Variants in TTC28 observed in about 807,000 individuals in gnomAD.
TTC28 encodes tetratricopeptide repeat domain 28, also known as tetratricopeptide repeat protein 28.
TTC28 carries 61 observed loss-of-function variants against 198.0 expected under a neutral mutation model. The observed-to-expected ratio is 0.31, with a 90% CI of 0.25 to 0.38. The LOEUF is 0.38. Ranked by LOEUF, TTC28 falls within the 10% of genes least tolerant of loss-of-function variation. The probability of loss-of-function intolerance (pLI) is 1.00; values close to 1 mark genes in which losing one functional copy is unlikely to be tolerated. For missense variants in TTC28, 2,678 were observed against 3,164.0 expected (o/e 0.85, Z 3.69); for synonymous variants, 1,171 against 1,297.8 (o/e 0.90, Z 2.10).
intron 2 of TTC28, among the ~76,000 whole-genome samples, chr22:28,395,360 A>T: frequency 6.6e-6 from 1 of 152,060 alleles, no homozygotes; most frequent in Non-Finnish European, 1.5e-5. Context: ...CAAGTGTGGT[A>T]CTAGAAAACA....
chr22:28,301,460 C>T lies in TTC28; in HGVS notation c.530-3608G>A, dbSNP rs765096462. The stretch of plus-strand genomic sequence containing the variant: ...AAAGGCTTTAAAAATTTAAGATGAA[C>T]AAAATCATATTTCCTAACACTTGAA... On this transcript the variant is annotated intron_variant, in intron 3 of 22. Coordinates refer to ENST00000397906, the MANE Select transcript of TTC28 (RefSeq NM_001145418.2). Among the ~76,000 whole-genome samples the T allele has an allele frequency of 5.9e-5, 9 of 152,106 alleles. No individual in the cohort carries two copies. In the South Asian group the frequency reaches 6.2e-4, roughly 11 times the overall value.
intron 2 of TTC28, among the ~76,000 whole-genome samples, chr22:28,626,100 C>G (rs1309940122): frequency 1.3e-5 from 2 of 151,960 alleles, no homozygotes; most frequent in East Asian, 3.9e-4. Flanking sequence ...TCTTTGTAAC[C>G]TTGGCGAAGA....
At chr22:28,149,108 C>A (rs1943545783) in intron 6 of TTC28, among the ~76,000 whole-genome samples, 1 of 152,200 alleles carries the variant, frequency 6.6e-6, no homozygotes, top group African/African-American at 2.4e-5. Flanking sequence ...CTATTACACA[C>A]CTAGGCTATA....
At chr22:28,641,849 C>T (rs1469054007) in intron 1 of TTC28, among the ~76,000 whole-genome samples, 3 of 151,944 alleles carry the variant, frequency 2.0e-5, no homozygotes, top group Non-Finnish European at 2.9e-5. Context: ...ATCAGCTATA[C>T]AAAATAATAA....
At chr22:28,184,307 ATTTG>A (rs1923985141) in intron 5 of TTC28, among the ~76,000 whole-genome samples, 1 of 152,166 alleles carries the variant, frequency 6.6e-6, no homozygotes, top group Non-Finnish European at 1.5e-5. Flanking sequence ...TGTTTTGTAT[ATTTG>A]TTTAACATTT....
At chr22:28,084,488 A>G (rs1941486135) in intron 12 of TTC28, among the ~76,000 whole-genome samples, 1 of 152,214 alleles carries the variant, frequency 6.6e-6, no homozygotes, top group Admixed American at 6.5e-5. Context: ...CAGAAAGGAC[A>G]TCCACACCAA....
intron 13 of TTC28, among the ~76,000 whole-genome samples, chr22:28,024,887 C>T (rs1938762509): frequency 6.6e-6 from 1 of 152,228 alleles, no homozygotes; most frequent in Admixed American, 6.5e-5. Context: ...GCATGCTCTA[C>T]ATGCCCACAT....
chr22:28,174,322 A>C (rs1601428067), intron 5 of TTC28, among the ~76,000 whole-genome samples: 1 of 152,234 alleles, frequency 6.6e-6, no homozygotes, highest in East Asian at 1.9e-4. Context: ...CAAAAATTTT[A>C]GATTTTAGTT....
At chr22:28,518,560 G>A (rs1240294190) in intron 2 of TTC28, among the ~76,000 whole-genome samples, 3 of 152,152 alleles carry the variant, frequency 2.0e-5, no homozygotes, top group Non-Finnish European at 4.4e-5. Context: ...AACGAACTAT[G>A]ATTCACCACT....
At chr22:28,606,560 TG>T (rs895717684) in intron 2 of TTC28, among the ~76,000 whole-genome samples, 1 of 152,064 alleles carries the variant, frequency 6.6e-6, no homozygotes, top group African/African-American at 2.4e-5. Context: ...GAATGGGGAA[TG>T]GGGTGAGCAA....
At chr22:28,085,088 C>A (rs1374327766) in intron 12 of TTC28, among the ~76,000 whole-genome samples, 1 of 152,076 alleles carries the variant, frequency 6.6e-6, no homozygotes, top group Non-Finnish European at 1.5e-5. Flanking sequence ...AAACACTCTG[C>A]AGGATATTAT....
In TTC28 at chr22:28,503,673, G is replaced by A. The variant is rs2048566067; in HGVS notation, c.381+125879C>T. On this transcript the variant is annotated intron_variant, in intron 2 of 22. Transcript: ENST00000397906. ...GCAAGGACATTTCACATTTAATATTGTCTTTAGCCAATCTTAATAGTATTA... is the reference window on the plus strand; with the variant it reads ...GCAAGGACATTTCACATTTAATATTATCTTTAGCCAATCTTAATAGTATTA... Among the ~76,000 whole-genome samples, 5 of 152,032 alleles carry A rather than the reference G, an allele frequency of 3.3e-5. No homozygotes were observed. The South Asian group carries it at 6.2e-4, about 19-fold the overall frequency.
intron 2 of TTC28, among the ~76,000 whole-genome samples, chr22:28,339,247 A>T (rs1180774299): frequency 6.6e-6 from 1 of 152,114 alleles, no homozygotes; most frequent in Non-Finnish European, 1.5e-5. Flanking sequence ...ATCGTTCCTC[A>T]GGAAGTTTTG....
At chr22:27,990,757 T>C in intron 20 of TTC28, 32 bp downstream of exon 20, 1 of 1,549,022 alleles carries the variant, frequency 6.5e-7, no homozygotes. Context: ...GGGGCTCACC[T>C]GACAACAGTT....
At chr22:28,334,662 G>A (rs945929054) in intron 2 of TTC28, among the ~76,000 whole-genome samples, 1 of 152,208 alleles carries the variant, frequency 6.6e-6, no homozygotes, top group African/African-American at 2.4e-5. Context: ...TTGGAGAAGT[G>A]TCTGTTCATA....
intron 2 of TTC28, among the ~76,000 whole-genome samples, chr22:28,470,614 T>C (rs904090282): frequency 6.6e-6 from 1 of 152,206 alleles, no homozygotes; most frequent in Non-Finnish European, 1.5e-5. Flanking sequence ...TATCCAATAA[T>C]AGAATTCTCT....
chr22:28,091,152 A>C (rs1006070405), intron 12 of TTC28, among the ~76,000 whole-genome samples: 1 of 152,230 alleles, frequency 6.6e-6, no homozygotes, highest in African/African-American at 2.4e-5. Flanking sequence ...ACTATAACTC[A>C]AAAGACATTT....
intron 2 of TTC28, among the ~76,000 whole-genome samples, chr22:28,425,953 G>A (rs189183970): frequency 5.7e-4 from 87 of 152,264 alleles, no homozygotes; most frequent in Non-Finnish European, 9.1e-4. Context: ...GCTCACGCCC[G>A]TAACCCCAGC....
rs866214998 is a variant in TTC28 at position 28,018,277 on chromosome 22, G to A, written c.4074-3885C>T. On this transcript the variant is annotated intron_variant, in intron 13 of 22. Transcript: ENST00000397906. ...TGTGTGTGTGTGTGTGTGTGTGTGT[G>A]TATGTGTGTGCGCGCGTGTGTGCGC... Among the ~76,000 whole-genome samples the A allele has an allele frequency of 2.4e-5, 3 of 125,980 alleles. No homozygotes were observed. In the Admixed American group the frequency reaches 2.7e-4, roughly 11 times the overall value. 82.6% of individuals were successfully genotyped at this position (125,980 alleles called of 152,430 possible).
Sources: allele counts gnomAD v4.1 joint callset (sites outside exome capture counted in the v4.1 genomes callset), GRCh38; gene constraint gnomAD v4.1.1; transcripts MANE v1.5; gene names NCBI Gene and HGNC (gene_info 2026-07-23, HGNC 2026-07-21).